MTAP: variants seen among roughly 807,000 people sequenced by gnomAD.
The protein encoded by MTAP is methylthioadenosine phosphorylase, also known as S-methyl-5'-thioadenosine phosphorylase.
A neutral mutation model predicts 33.6 loss-of-function variants in MTAP; 33 were observed. The ratio of observed to expected loss-of-function variants is 0.98; its 90% CI spans 0.74 to 1.31. The LOEUF (loss-of-function observed/expected upper bound fraction) is 1.31. Ranked by LOEUF, MTAP falls within the 40% of genes most tolerant of loss-of-function variation. The probability of loss-of-function intolerance (pLI) is 0.00; values close to 1 mark genes in which losing one functional copy is unlikely to be tolerated. For missense variants in MTAP, 367 were observed against 360.0 expected (o/e 1.02, Z -0.16); for synonymous variants, 148 against 125.7 (o/e 1.18, Z -1.19).
chr9:21,818,984 A>G (rs149700534), intron 4 of MTAP, among the ~76,000 whole-genome samples: 130 of 152,248 alleles, frequency 8.5e-4, no homozygotes, highest in African/African-American at 3.0e-3. Context: ...GTTAGATTCC[A>G]CATATAGGTG....
At chr9:21,839,040 C>T (rs1355604059) in intron 5 of MTAP, among the ~76,000 whole-genome samples, 2 of 152,128 alleles carry the variant, frequency 1.3e-5, no homozygotes, top group Non-Finnish European at 2.9e-5. Flanking sequence ...ACTGAGGACA[C>T]AGGGTTGGGA....
intron 4 of MTAP, among the ~76,000 whole-genome samples, chr9:21,834,149 A>C (rs572626332): frequency 6.6e-6 from 1 of 152,248 alleles, no homozygotes; most frequent in Non-Finnish European, 1.5e-5. Context: ...TTTTCCATAA[A>C]TGATAGTGAC....
intron 4 of MTAP, among the ~76,000 whole-genome samples, chr9:21,822,744 A>G (rs1291632318): frequency 6.6e-6 from 1 of 152,152 alleles, no homozygotes; most frequent in African/African-American, 2.4e-5. Flanking sequence ...AAAGTCTCCC[A>G]TTATTATTGT....
At chr9:21,821,984 A>G (rs1824654192) in intron 4 of MTAP, among the ~76,000 whole-genome samples, 1 of 151,962 alleles carries the variant, frequency 6.6e-6, no homozygotes. Flanking sequence ...TATCCCCTTT[A>G]TCATTTTTTA....
intron 4 of MTAP, among the ~76,000 whole-genome samples, chr9:21,820,884 G>A (rs1824618441): frequency 6.6e-6 from 1 of 152,150 alleles, no homozygotes; most frequent in Admixed American, 6.5e-5. Context: ...TCTCTTTGAA[G>A]CAATTGTGAA....
At chr9:21,878,945 C>T (rs903667340) in intron 1 of MTAP, among the ~76,000 whole-genome samples, 4 of 151,984 alleles carry the variant, frequency 2.6e-5, no homozygotes, top group African/African-American at 4.8e-5. Context: ...TTGGTTCTTC[C>T]GCATTTGCTG....
chr9:21,812,831 G>A (rs1281282652), intron 1 of MTAP, among the ~76,000 whole-genome samples: 2 of 152,208 alleles, frequency 1.3e-5, no homozygotes, highest in East Asian at 1.9e-4. Flanking sequence ...ACATCATAGT[G>A]GTTAAGCCTG....
At chr9:21,937,023 C>A (rs1819050383) in exon 8 of MTAP, 1 of 152,128 alleles carries the variant, frequency 6.6e-6, no homozygotes, top group African/African-American at 2.4e-5. Flanking sequence ...CTTGTATGGA[C>A]AAGTTGGCTA....
chr9:21,849,712 G>T (rs1446887600), intron 5 of MTAP, among the ~76,000 whole-genome samples: 1 of 152,234 alleles, frequency 6.6e-6, no homozygotes, highest in Non-Finnish European at 1.5e-5. Context: ...CAGGGATGGT[G>T]ATTCCTACCA....
At chr9:21,823,293 T>C (rs1824695738) in intron 4 of MTAP, among the ~76,000 whole-genome samples, 1 of 152,204 alleles carries the variant, frequency 6.6e-6, no homozygotes, top group East Asian at 1.9e-4. Flanking sequence ...CCAGGAGCTC[T>C]TTTAGGGCAG....
At chr9:21,934,643 G>T (rs1409402381), downstream of MTAP, 1 of 151,324 alleles carries the variant, frequency 6.6e-6, no homozygotes, top group African/African-American at 2.4e-5. The surrounding 1 kb of genome is among the most constrained non-coding windows in gnomAD (Gnocchi z 5.0). Flanking sequence ...GGTAAAGCAA[G>T]TATATATTAA....
intron 1 of MTAP, among the ~76,000 whole-genome samples, chr9:21,911,489 T>C (rs1818575594): frequency 6.6e-6 from 1 of 151,908 alleles, no homozygotes; most frequent in South Asian, 2.1e-4. Flanking sequence ...ACAAAACCGC[T>C]CAACTACATG....
At position 21,864,296 on chromosome 9, in the gene MTAP, G is replaced by A. The variant is rs1587259793; in HGVS notation, c.*2282G>A. ...AATTTTCCTCATACCTTATGCTTGAGGATATTGTTGAAGAACACTTCCTGG... is the reference window on the plus strand; with the variant it reads ...AATTTTCCTCATACCTTATGCTTGAAGATATTGTTGAAGAACACTTCCTGG... On this transcript the variant is annotated 3_prime_UTR_variant, in exon 8 of 8. Transcript: ENST00000644715. The A allele has an allele frequency of 1.0e-6, 1 of 985,062 alleles. No homozygotes were observed. The highest frequency in any genetic ancestry group is 1.2e-6 in the Non-Finnish European group (1 of 829,884). The allele number at this position is 985,062 out of a possible 1,614,324, so 61.0% of individuals were successfully genotyped here.
intron 1 of MTAP, among the ~76,000 whole-genome samples, chr9:21,917,797 A>G (rs1290784879): frequency 1.3e-5 from 2 of 152,270 alleles, no homozygotes; most frequent in Non-Finnish European, 2.9e-5. Context: ...ATGTATGTTT[A>G]TAGCAGCACA....
In MTAP at chr9:21,854,816, C is replaced by T. The variant is rs757812208; in HGVS notation, c.636C>T (p.Tyr212=). 1.7e-5 allele frequency: 28 copies of T among 1,613,972 alleles called. No individual in the cohort carries two copies. Among genetic ancestry groups the T allele is most frequent in the South Asian group, 7.7e-5 (7 of 91,086 alleles). ...TTGCTAAGGAGGCTGGAATTTGTTA[C>T]GCAAGTATCGCCATGGCGACAGATT... is the stretch of plus-strand genomic sequence containing the variant. ...VVLAKEAGIC[Y]ASIAMATDYD... The change falls in exon 6 of 8, where the codon TAC becomes TAT. Residue 212 remains tyrosine (Y), a synonymous_variant. Transcript: ENST00000644715.
chr9:21,864,388 C>T lies in MTAP; in HGVS notation c.*2374C>T. 5 of 984,924 alleles carry T rather than the reference C, an allele frequency of 5.1e-6. No homozygotes were observed. The highest frequency in any genetic ancestry group is 6.0e-6 in the Non-Finnish European group (5 of 829,802). 61.0% of individuals were successfully genotyped at this position (984,924 alleles called of 1,614,324 possible). A position where few individuals can be genotyped will look rare whatever the true frequency, so the allele number is the denominator to read the frequency against. On this transcript the variant is annotated 3_prime_UTR_variant, in exon 8 of 8. Coordinates refer to ENST00000644715, the MANE Select transcript of MTAP (RefSeq NM_002451.4). ...AATTTAAGCTAGTATACTAAGTGAA[C>T]ACCATGGTCAGTTGTGAGCATTTTG...
At chr9:21,938,590 G>A (rs1267028668), downstream of MTAP, among the ~76,000 whole-genome samples, 2 of 152,070 alleles carry the variant, frequency 1.3e-5, no homozygotes, top group Non-Finnish European at 2.9e-5. Flanking sequence ...CTACAACTCC[G>A]ATATGTCCTG....
intron 4 of MTAP, among the ~76,000 whole-genome samples, chr9:21,829,167 G>A (rs1342447829): frequency 6.6e-6 from 1 of 152,168 alleles, no homozygotes; most frequent in South Asian, 2.1e-4. Context: ...CAAATAGGCT[G>A]TGCCATTTTT....
At chr9:21,940,339 T>C (rs1394683584), downstream of MTAP, among the ~76,000 whole-genome samples, 1 of 152,232 alleles carries the variant, frequency 6.6e-6, no homozygotes, top group Non-Finnish European at 1.5e-5. Flanking sequence ...TCAGGCCAAG[T>C]GTAACGGGAC....
Sources: gnomAD v4.1 joint callset for allele counts (sites outside exome capture counted in the v4.1 genomes callset) on GRCh38, gnomAD v4.1.1 for gene constraint, Gnocchi (gnomAD v3.1) non-coding constraint, MANE v1.5 for transcripts, NCBI Gene and HGNC (gene_info 2026-07-23, HGNC 2026-07-21) for gene names.